The following MACROD2 variants were observed in gnomAD, a reference collection of about 807,000 sequenced individuals.
The protein encoded by MACROD2 is mono-ADP ribosylhydrolase 2.
MACROD2 carries 36 observed loss-of-function variants against 70.4 expected under a neutral mutation model. That is an observed-to-expected ratio of 0.51 (90% CI 0.39 to 0.68). MACROD2 has a LOEUF of 0.68. MACROD2 is among the 30% of genes least tolerant of loss of function. The pLI is 0.00. For synonymous variants in MACROD2, 172 were observed against 178.8 expected, an observed-to-expected ratio of 0.96 and a Z score of 0.30; for missense variants, 496 against 538.4, an observed-to-expected ratio of 0.92 and a Z score of 0.78.
At chr20:14,379,729 G>C (rs1227913473) in intron 3 of MACROD2, among the ~76,000 whole-genome samples, 2 of 151,888 alleles carry the variant, frequency 1.3e-5, no homozygotes, top group Non-Finnish European at 2.9e-5. Flanking sequence ...TTTGTGTCTG[G>C]CTCATTTTGC....
At chr20:14,863,769 A>G (rs1186856014) in intron 5 of MACROD2, among the ~76,000 whole-genome samples, 1 of 152,150 alleles carries the variant, frequency 6.6e-6, no homozygotes, top group Non-Finnish European at 1.5e-5. Flanking sequence ...TATTATCTTC[A>G]TACGATAGAT....
At chr20:14,534,738 A>G (rs2085344254) in intron 4 of MACROD2, among the ~76,000 whole-genome samples, 1 of 151,732 alleles carries the variant, frequency 6.6e-6, no homozygotes, top group Non-Finnish European at 1.5e-5. Flanking sequence ...TAGTTTTTGA[A>G]CAGAAAAATA....
chr20:14,306,009 TTCTC>T lies in MACROD2; in HGVS notation c.272-187463_272-187460del, dbSNP rs1324796235. On this transcript the variant is annotated intron_variant, in intron 3 of 17. Transcript: ENST00000684519. ...CATTCTCTCTTCTGTCTCTCTTGCTTTCTCTCTCTCCCTGCTAAATCCTCTCATT... is the reference window on the plus strand; with the variant it reads ...CATTCTCTCTTCTGTCTCTCTTGCTTTCTCTCCCTGCTAAATCCTCTCATT... Among the ~76,000 whole-genome samples the T allele has an allele frequency of 3.8e-5, 4 of 105,556 alleles. No individual in the cohort carries two copies. The East Asian group carries it at 9.9e-4, about 26-fold the overall frequency. 69.2% of individuals were successfully genotyped at this position (105,556 alleles called of 152,430 possible). A position where few individuals can be genotyped will look rare whatever the true frequency, so the allele number is the denominator to read the frequency against.
intron 7 of MACROD2, among the ~76,000 whole-genome samples, chr20:15,431,705 A>G (rs2046365559): frequency 6.6e-6 from 1 of 152,022 alleles, no homozygotes; most frequent in Admixed American, 6.6e-5. Context: ...TTCCAGTAGG[A>G]TTGACTTCTA....
chr20:15,381,274 C>A (rs530659213), intron 6 of MACROD2, among the ~76,000 whole-genome samples: 1 of 151,846 alleles, frequency 6.6e-6, no homozygotes, highest in African/African-American at 2.4e-5. Context: ...ACTATCTAGC[C>A]AAGAGGAGGC....
chr20:14,758,221 C>T (rs1474141891), intron 5 of MACROD2, among the ~76,000 whole-genome samples: 2 of 151,894 alleles, frequency 1.3e-5, no homozygotes, highest in African/African-American at 4.8e-5. Flanking sequence ...TTTTGTTTAA[C>T]CAGAAGATCA....
rs372411566 is a variant in MACROD2, at chr20:14,226,449, G to A, written c.271+140721G>A. On this transcript the variant is annotated intron_variant, in intron 3 of 17. Transcript: ENST00000684519. ...TTCAGCCCACCGCTGCACTGTGTGA[G>A]CCCCTTTCTGGGCTGGCCAAGACTG... Among the ~76,000 whole-genome samples, 90 of 152,326 alleles carry A rather than the reference G, an allele frequency of 5.9e-4. 1 individual carries two copies. Among genetic ancestry groups the A allele is most frequent in the African/African-American group, 2.1e-3 (87 of 41,578 alleles).
chr20:14,940,186 TA>T (rs1303470766), intron 5 of MACROD2, among the ~76,000 whole-genome samples: 1 of 134,300 alleles, frequency 7.4e-6, no homozygotes, highest in Non-Finnish European at 1.7e-5. Flanking sequence ...ATTAAAAAGT[TA>T]GCTGGGTGTG....
At chr20:15,601,209 T>C (rs2048815157) in intron 8 of MACROD2, among the ~76,000 whole-genome samples, 2 of 152,148 alleles carry the variant, frequency 1.3e-5, no homozygotes, top group South Asian at 4.1e-4. Context: ...GCCCCCCTTA[T>C]TGGCAAAGGA....
At chr20:15,140,789 G>A (rs1224264480) in intron 5 of MACROD2, among the ~76,000 whole-genome samples, 2 of 151,988 alleles carry the variant, frequency 1.3e-5, no homozygotes, top group Non-Finnish European at 2.9e-5. Flanking sequence ...TTAATTTAGG[G>A]GTCTTGAAAT....
chr20:15,951,630 T>A (rs575514234), intron 12 of MACROD2, among the ~76,000 whole-genome samples: 2 of 152,218 alleles, frequency 1.3e-5, no homozygotes, highest in Non-Finnish European at 2.9e-5. Flanking sequence ...GACACTCACA[T>A]AAACATATAT....
chr20:14,965,453 C>CTTTT lies in MACROD2; in HGVS notation c.419-264465_419-264462dup, dbSNP rs532870999. On this transcript the variant is annotated intron_variant, in intron 5 of 17. Coordinates refer to ENST00000684519, the MANE Select transcript of MACROD2 (RefSeq NM_001351661.2). ...GGACGGCTAAAAGTTATTTTTTTTTCTTTTTTTTTTTTTTTTTTTTTTTTT... is the reference window on the plus strand; with the variant it reads ...GGACGGCTAAAAGTTATTTTTTTTTCTTTTTTTTTTTTTTTTTTTTTTTTTTTTT... 3.2e-3 allele frequency among the ~76,000 whole-genome samples: 221 copies of CTTTT among 68,084 alleles called. 4 individuals carry two copies. The highest frequency in any genetic ancestry group is 4.2e-3 in the Non-Finnish European group (157 of 37,100). 44.7% of individuals were successfully genotyped at this position (68,084 alleles called of 152,430 possible).
chr20:15,895,725 T>A (rs777324435), intron 10 of MACROD2, among the ~76,000 whole-genome samples: 3 of 152,192 alleles, frequency 2.0e-5, no homozygotes, highest in Non-Finnish European at 4.4e-5. Context: ...ACAAAGGGCC[T>A]CCATCCCTTG....
intron 6 of MACROD2, among the ~76,000 whole-genome samples, chr20:15,385,536 T>C (rs2045701276): frequency 6.6e-6 from 1 of 152,196 alleles, no homozygotes; most frequent in Non-Finnish European, 1.5e-5. Context: ...TACATCTGTT[T>C]ATTTCCCTAC....
chr20:14,028,615 A>C (rs2053208237), intron 2 of MACROD2, among the ~76,000 whole-genome samples: 1 of 152,172 alleles, frequency 6.6e-6, no homozygotes, highest in Non-Finnish European at 1.5e-5. Context: ...CGTAGTATCC[A>C]GGCTGGAATG....
At chr20:14,453,142 A>C (rs2084263046) in intron 3 of MACROD2, among the ~76,000 whole-genome samples, 1 of 152,084 alleles carries the variant, frequency 6.6e-6, no homozygotes, top group Non-Finnish European at 1.5e-5. Context: ...ACATTCATTG[A>C]TATTGGTGCT....
At chr20:14,425,586 A>T (rs1435239071) in intron 3 of MACROD2, among the ~76,000 whole-genome samples, 1 of 152,128 alleles carries the variant, frequency 6.6e-6, no homozygotes, top group Non-Finnish European at 1.5e-5. Context: ...CTGTTACCTA[A>T]ATCTCTTCTC....
At chr20:14,388,436 T>C (rs1302794189) in intron 3 of MACROD2, among the ~76,000 whole-genome samples, 3 of 152,242 alleles carry the variant, frequency 2.0e-5, no homozygotes, top group African/African-American at 7.2e-5. Context: ...TTTACAAAAC[T>C]TTATTAATAG....
At chr20:15,567,108 T>TG (rs1259118992) in intron 8 of MACROD2, among the ~76,000 whole-genome samples, 2 of 151,804 alleles carry the variant, frequency 1.3e-5, no homozygotes, top group Non-Finnish European at 2.9e-5. Context: ...GGGGTTTTTT[T>TG]TTTCAGAAAA....
Sources: gnomAD v4.1 joint callset for allele counts (sites outside exome capture counted in the v4.1 genomes callset) on GRCh38, gnomAD v4.1.1 for gene constraint, MANE v1.5 for transcripts, NCBI Gene and HGNC (gene_info 2026-07-23, HGNC 2026-07-21) for gene names.